TG: variants seen among roughly 807,000 people sequenced by gnomAD.
TG encodes thyroid hormones.
A neutral mutation model predicts 324.7 loss-of-function variants in TG; 270 were observed. That is an observed-to-expected ratio of 0.83 (90% CI 0.75 to 0.92). The LOEUF (loss-of-function observed/expected upper bound fraction) is 0.92. Ranked by LOEUF, TG falls within the 40% of genes least tolerant of loss-of-function variation. TG has a pLI of 0.00. For synonymous variants in TG, 1,401 were observed against 1,327.0 expected (o/e 1.06, Z -1.21); for missense variants, 3,591 against 3,456.4 (o/e 1.04, Z -0.98).
chr8:132,935,955 G>A, intron 25 of TG, 91 bp downstream of exon 25: 2 of 997,266 alleles, frequency 2.0e-6, no homozygotes, highest in Non-Finnish European at 3.1e-6. Context: ...GTGAGGAGGA[G>A]CCAGACTGTC....
At chr8:132,999,675 G>T (rs1014660765) in intron 35 of TG, among the ~76,000 whole-genome samples, 1 of 152,188 alleles carries the variant, frequency 6.6e-6, no homozygotes, top group Non-Finnish European at 1.5e-5. Context: ...TTTTAAAGGG[G>T]TGCAAACAAT....
At chr8:133,128,290 G>A (rs374145921) in intron 45 of TG, among the ~76,000 whole-genome samples, 13 of 145,998 alleles carry the variant, frequency 8.9e-5, no homozygotes, top group Admixed American at 2.8e-4. Flanking sequence ...ATTTGCCACC[G>A]TCCTCACTGG....
At chr8:132,964,986 T>C (rs1247692182) in intron 29 of TG, 1 of 698,694 alleles carries the variant, frequency 1.4e-6, no homozygotes, top group East Asian at 2.7e-5. Flanking sequence ...GCCAAGGCTC[T>C]GAGAGCAGGT....
At chr8:133,074,990 C>T in intron 41 of TG, 1 of 985,502 alleles carries the variant, frequency 1.0e-6, no homozygotes, top group Non-Finnish European at 1.2e-6. Flanking sequence ...TGTGGAGAAG[C>T]AGCCCATGCT....
chr8:132,939,770 A>G (rs1283153795), intron 25 of TG, among the ~76,000 whole-genome samples: 2 of 151,480 alleles, frequency 1.3e-5, no homozygotes, highest in East Asian at 3.9e-4. Flanking sequence ...TCTGCCTCCC[A>G]GGTTGAAGGG....
At chr8:132,929,967 C>G (rs1208772549) in intron 23 of TG, among the ~76,000 whole-genome samples, 7 of 152,126 alleles carry the variant, frequency 4.6e-5, no homozygotes, top group Non-Finnish European at 7.4e-5. Flanking sequence ...TGAGCGTAGT[C>G]GCAATAGTTA....
chr8:133,112,184 G>A (rs1301280830), intron 43 of TG, among the ~76,000 whole-genome samples: 1 of 152,236 alleles, frequency 6.6e-6, no homozygotes, highest in African/African-American at 2.4e-5. Context: ...TTACCCAGGA[G>A]GGATTGCTCA....
Position 132,898,852 on chromosome 8 carries a change from A to G in TG, c.3272A>G (p.Gln1091Arg), listed in dbSNP as rs760347212. The change falls in exon 14 of 48, where the codon CAG becomes CGG. Residue 1091 changes from glutamine (Q) to arginine (R), a missense_variant. Transcript: ENST00000220616. ...AGTGGGCTGCTTTCCAGTTGGAAAC[A>G]GGCTAGATCCCAAGAAAACCCATCT... ...RTSGLLSSWK[Q>R]ARSQENPSPK... 2.1e-5 allele frequency: 34 copies of G among 1,614,128 alleles called. No homozygotes were observed. The highest frequency in any genetic ancestry group is 2.7e-5 in the Non-Finnish European group (32 of 1,180,060).
chr8:133,072,845 C>G (rs538885148), intron 41 of TG: 64 of 152,206 alleles, frequency 4.2e-4, no homozygotes, highest in African/African-American at 1.4e-3. Context: ...CTGTCTGTTT[C>G]GTTTATATCA....
At chr8:132,895,244 G>A (rs1454408019) in intron 11 of TG, among the ~76,000 whole-genome samples, 2 of 152,202 alleles carry the variant, frequency 1.3e-5, no homozygotes, top group East Asian at 1.9e-4. Context: ...TAGCTTTCTA[G>A]GCTTGAGTCA....
intron 41 of TG, among the ~76,000 whole-genome samples, chr8:133,089,234 C>T (rs974680978): frequency 6.6e-5 from 10 of 152,240 alleles, no homozygotes; most frequent in African/African-American, 2.4e-4. Context: ...ACATTCATTT[C>T]CAGTTCTCTT....
chr8:133,113,075 A>G (rs1433307542), intron 43 of TG, among the ~76,000 whole-genome samples: 2 of 152,190 alleles, frequency 1.3e-5, no homozygotes, highest in African/African-American at 4.8e-5. Flanking sequence ...AGCAAGTGAA[A>G]CTCGGGGGTT....
intron 5 of TG, among the ~76,000 whole-genome samples, chr8:132,875,657 A>T (rs1839883916): frequency 6.6e-6 from 1 of 152,244 alleles, no homozygotes; most frequent in Non-Finnish European, 1.5e-5. Context: ...TTTCCACAAG[A>T]GGGCAGTCGA....
intron 27 of TG, among the ~76,000 whole-genome samples, chr8:132,950,631 C>T (rs930682327): frequency 1.1e-4 from 16 of 152,192 alleles, no homozygotes; most frequent in East Asian, 1.9e-4. Context: ...GCCGCAATTG[C>T]GCATTTGCCT....
intron 41 of TG, chr8:133,060,147 A>G: frequency 6.2e-7 from 1 of 1,612,684 alleles, no homozygotes; most frequent in African/African-American, 1.3e-5. Context: ...GGTGGATTTC[A>G]TGCTGTTTCC....
At chr8:133,098,010 A>G (rs575957780) in intron 43 of TG, among the ~76,000 whole-genome samples, 1 of 152,238 alleles carries the variant, frequency 6.6e-6, no homozygotes, top group South Asian at 2.1e-4. Flanking sequence ...CTCAGCTTGC[A>G]TCTAGCTAAC....
At chr8:133,098,201 T>A (rs1848722029) in intron 43 of TG, among the ~76,000 whole-genome samples, 1 of 152,210 alleles carries the variant, frequency 6.6e-6, no homozygotes. Flanking sequence ...TTGTAGTCTC[T>A]AAAACAGGGA....
At chr8:132,897,623 C>A in intron 11 of TG, 26 bp from the exon 12 acceptor site, 1 of 1,614,036 alleles carries the variant, frequency 6.2e-7, no homozygotes, top group South Asian at 1.1e-5. Context: ...TGGTCATATT[C>A]TGCTTTTCTC....
rs376126800 is a variant in TG, at chr8:132,933,521, C to T, written c.4817-40C>T. The T allele has an allele frequency of 8.2e-4, 1,300 of 1,592,780 alleles. 15 individuals carry two copies. In the South Asian group the frequency reaches 0.013, roughly 16 times the overall value. On this transcript the variant is annotated intron_variant, in intron 23 of 47. Transcript: ENST00000220616. The stretch of plus-strand genomic sequence containing the variant: ...TGTCTGCTCTGCCCTCAGCATCCCC[C>T]GGGAAAGCCAGGTGAGTGACCGTCC...
Sources: allele counts gnomAD v4.1 joint callset (sites outside exome capture counted in the v4.1 genomes callset), GRCh38; gene constraint gnomAD v4.1.1; transcripts MANE v1.5; gene names NCBI Gene and HGNC (gene_info 2026-07-23, HGNC 2026-07-21).